EXOC4: variants seen among roughly 807,000 people sequenced by gnomAD.
The protein encoded by EXOC4 is SEC8-like 1.
Under a neutral mutation model 107.2 loss-of-function variants are expected in EXOC4, and 71 were observed. The observed-to-expected ratio is 0.66, with a 90% CI of 0.55 to 0.81. The LOEUF is 0.81. EXOC4 is among the 30% of genes least tolerant of loss of function. The pLI, the probability that EXOC4 is intolerant of heterozygous loss-of-function variation, is 0.00. For synonymous variants in EXOC4, 456 were observed against 441.2 expected (o/e 1.03, Z -0.42); for missense variants, 1,108 against 1,189.6 (o/e 0.93, Z 1.01).
At chr7:133,887,831 T>C (rs954102172) in intron 11 of EXOC4, among the ~76,000 whole-genome samples, 3 of 152,188 alleles carry the variant, frequency 2.0e-5, no homozygotes, top group African/African-American at 7.2e-5. Context: ...ATATCCTGTG[T>C]TCTGAATCAG....
intron 7 of EXOC4, among the ~76,000 whole-genome samples, chr7:133,393,446 G>A (rs1796897895): frequency 6.6e-6 from 1 of 152,154 alleles, no homozygotes; most frequent in Admixed American, 6.6e-5. Context: ...ATGAGTAGTA[G>A]ATACTCTATA....
Position 133,375,001 on chromosome 7 carries a change from A to G in EXOC4, c.1181A>G (p.Gln394Arg). Residue 394 changes from glutamine to arginine, a missense_variant and splice_region_variant, in exon 7 of 18, where the codon CAG (glutamine) becomes CGG (arginine). Coordinates refer to ENST00000253861, the MANE Select transcript of EXOC4 (RefSeq NM_021807.4). ...DVWVKIQDVLQMLLTEYLDMK... is the reference protein window; with the variant it reads ...DVWVKIQDVLRMLLTEYLDMK... The stretch of plus-strand genomic sequence containing the variant: ...TGGGTGAAGATCCAAGATGTTCTAC[A>G]GGTAAGAGCCTTTTACAAAGGGTGT... 1 of 1,611,780 alleles carries G rather than the reference A, an allele frequency of 6.2e-7. No individual in the cohort carries two copies. Among genetic ancestry groups the G allele is most frequent in the Non-Finnish European group, 8.5e-7 (1 of 1,179,002 alleles).
In EXOC4 at chr7:133,389,731, G is replaced by A. The variant is rs909285627; in HGVS notation, c.1182+14729G>A. Among the ~76,000 whole-genome samples, 8 of 152,050 alleles carry A rather than the reference G, an allele frequency of 5.3e-5. No homozygotes were observed. The East Asian group carries it at 5.8e-4, about 11-fold the overall frequency. ...CTTGCAGAATTGTGTTATAGGAAGT[G>A]TATTAGTCTGTTTTCACACTGCTGA... On this transcript the variant is annotated intron_variant, in intron 7 of 17. Coordinates refer to ENST00000253861, the MANE Select transcript of EXOC4 (RefSeq NM_021807.4).
chr7:133,703,490 G>C (rs929055125), intron 10 of EXOC4, among the ~76,000 whole-genome samples: 3 of 152,172 alleles, frequency 2.0e-5, no homozygotes, highest in Non-Finnish European at 2.9e-5. Flanking sequence ...TAATAAAGTT[G>C]TGCATTTGTC....
intron 9 of EXOC4, among the ~76,000 whole-genome samples, chr7:133,595,149 C>T (rs917443401): frequency 1.3e-5 from 2 of 151,906 alleles, no homozygotes; most frequent in Non-Finnish European, 2.9e-5. Flanking sequence ...TTTTCCCCAT[C>T]GAGGAAAGGA....
chr7:133,293,350 T>C (rs1331157285), intron 3 of EXOC4, among the ~76,000 whole-genome samples: 6 of 152,202 alleles, frequency 3.9e-5, no homozygotes, highest in Admixed American at 1.3e-4. Context: ...TCCATGGTTA[T>C]GTACTGTTAG....
At chr7:133,686,271 AG>A (rs1794296612) in intron 10 of EXOC4, among the ~76,000 whole-genome samples, 1 of 152,166 alleles carries the variant, frequency 6.6e-6, no homozygotes, top group African/African-American at 2.4e-5. Flanking sequence ...ACCCAGTTTT[AG>A]GTATTATAAG....
chr7:133,905,953 G>A (rs1322315135), intron 12 of EXOC4, among the ~76,000 whole-genome samples: 1 of 152,186 alleles, frequency 6.6e-6, no homozygotes, highest in Non-Finnish European at 1.5e-5. Flanking sequence ...AACAGGACGA[G>A]CAAGCAGTGG....
intron 10 of EXOC4, among the ~76,000 whole-genome samples, chr7:133,708,922 A>G (rs1794825673): frequency 6.6e-6 from 1 of 152,212 alleles, no homozygotes; most frequent in Non-Finnish European, 1.5e-5. Context: ...TTTTTATAGG[A>G]ATCCCTTACC....
At chr7:133,836,594 T>G (rs554922368) in intron 11 of EXOC4, among the ~76,000 whole-genome samples, 2 of 152,288 alleles carry the variant, frequency 1.3e-5, no homozygotes, top group East Asian at 3.9e-4. Context: ...TGCTCCTCTC[T>G]CTAAAGGCAG....
intron 6 of EXOC4, among the ~76,000 whole-genome samples, chr7:133,370,386 C>T (rs757476679): frequency 2.6e-5 from 4 of 151,712 alleles, no homozygotes; most frequent in Non-Finnish European, 4.4e-5. Context: ...TGGTTTCGTC[C>T]GGAAAGGTGG....
At chr7:133,659,202 A>G (rs1322756761) in intron 10 of EXOC4, among the ~76,000 whole-genome samples, 2 of 151,910 alleles carry the variant, frequency 1.3e-5, no homozygotes, top group South Asian at 2.1e-4. Flanking sequence ...GCTGTATGAT[A>G]TAGGGTTGGT....
chr7:133,974,537 C>T (rs995056791), intron 14 of EXOC4, among the ~76,000 whole-genome samples: 28 of 152,160 alleles, frequency 1.8e-4, no homozygotes, highest in African/African-American at 6.0e-4. Context: ...ATCGGTAGTA[C>T]ACAAATCTAA....
chr7:133,714,336 C>T (rs1794956645), intron 10 of EXOC4, among the ~76,000 whole-genome samples: 1 of 152,126 alleles, frequency 6.6e-6, no homozygotes, highest in Non-Finnish European at 1.5e-5. Flanking sequence ...GATGTTTCTT[C>T]CATAGTCTGT....
intron 15 of EXOC4, 108 bp from the exon 16 acceptor site, chr7:134,004,804 C>G (rs1156692809): frequency 3.3e-6 from 3 of 914,978 alleles, no homozygotes; most frequent in East Asian, 5.1e-5. Flanking sequence ...GCTAGTCTTA[C>G]ATTTATTAAT....
intron 7 of EXOC4, among the ~76,000 whole-genome samples, chr7:133,422,129 T>C (rs1322841008): frequency 6.6e-6 from 1 of 152,212 alleles, no homozygotes; most frequent in Non-Finnish European, 1.5e-5. Flanking sequence ...GGTCCTGACA[T>C]GCTTTTGGGC....
Position 134,065,565 on chromosome 7 carries a change from A to G in EXOC4, c.*1037A>G, listed in dbSNP as rs1423023441. 1 of 152,206 alleles carries G rather than the reference A, an allele frequency of 6.6e-6. No individual in the cohort carries two copies. Among genetic ancestry groups the G allele is most frequent in the Non-Finnish European group, 1.5e-5 (1 of 68,110 alleles). The allele number at this position is 152,206 out of a possible 1,614,324, so 9.4% of individuals were successfully genotyped here. A position where few individuals can be genotyped will look rare whatever the true frequency, so the allele number is the denominator to read the frequency against. On this transcript the variant is annotated 3_prime_UTR_variant, in exon 18 of 18. Transcript: ENST00000253861. ...CCAGTCCTCTTGCTGCCCATGGTTC[A>G]TAGGTCATAGAAGGCAGCAATGCAC...
At chr7:133,393,240 A>G (rs940146330) in intron 7 of EXOC4, among the ~76,000 whole-genome samples, 4 of 151,918 alleles carry the variant, frequency 2.6e-5, no homozygotes, top group Non-Finnish European at 5.9e-5. Context: ...TTCTTCCTCT[A>G]CTGAATCCAC....
intron 17 of EXOC4, among the ~76,000 whole-genome samples, chr7:134,024,659 A>C (rs1487694516): frequency 6.6e-6 from 1 of 152,146 alleles, no homozygotes; most frequent in Non-Finnish European, 1.5e-5. Context: ...CTGGTCTTGG[A>C]GTGAAACAAA....
Sources: gnomAD v4.1 joint callset for allele counts (sites outside exome capture counted in the v4.1 genomes callset) on GRCh38, gnomAD v4.1.1 for gene constraint, MANE v1.5 for transcripts, NCBI Gene and HGNC (gene_info 2026-07-23, HGNC 2026-07-21) for gene names.